PIGK: variants seen among roughly 807,000 people sequenced by gnomAD.
PIGK encodes GPI-anchor transamidase.
PIGK carries 42 observed loss-of-function variants against 50.6 expected under a neutral mutation model. The ratio of observed to expected loss-of-function variants is 0.83; its 90% CI spans 0.65 to 1.07. The LOEUF is 1.07. Among genes scored for constraint, PIGK ranks in the 50% least tolerant of loss-of-function variants. PIGK has a pLI of 0.00. For synonymous variants in PIGK, 151 were observed against 156.0 expected (o/e 0.97, Z 0.24); for missense variants, 448 against 488.7 (o/e 0.92, Z 0.78).
chr1:77,089,185 G>C lies in PIGK; in HGVS notation c.*3189C>G, dbSNP rs560614276. 1.3e-5 allele frequency: 2 copies of C among 152,288 alleles called. No homozygotes were observed. Among genetic ancestry groups the C allele is most frequent in the South Asian group, 2.1e-4 (1 of 4,828 alleles). The allele number at this position is 152,288 out of a possible 1,614,324, so 9.4% of individuals were successfully genotyped here. ...AAGGTGTATTGTCCATGAATTGAAA[G>C]GCTTTCCTATTTAAGTAGCAGGTAC... On this transcript the variant is annotated 3_prime_UTR_variant, in exon 11 of 11. Coordinates refer to ENST00000370812, the MANE Select transcript of PIGK (RefSeq NM_005482.3).
At chr1:77,169,987 C>A (rs1010527772) in intron 3 of PIGK, among the ~76,000 whole-genome samples, 6 of 152,126 alleles carry the variant, frequency 3.9e-5, no homozygotes, top group African/African-American at 1.4e-4. Flanking sequence ...CAAATCCACT[C>A]CATTTCCCTA....
chr1:77,180,460 CA>C (rs1655585656), intron 3 of PIGK, among the ~76,000 whole-genome samples: 1 of 152,042 alleles, frequency 6.6e-6, no homozygotes, highest in African/African-American at 2.4e-5. Context: ...TAAGTATATA[CA>C]ATAAATACTA....
Position 77,092,567 on chromosome 1 carries a change from A to G in PIGK, c.1072-77T>C, listed in dbSNP as rs926213743. 6 of 819,520 alleles carry G rather than the reference A, an allele frequency of 7.3e-6. No homozygotes were observed. In the African/African-American group the frequency reaches 8.8e-5, roughly 12 times the overall value. The allele number at this position is 819,520 out of a possible 1,614,324, so 50.8% of individuals were successfully genotyped here. A position where few individuals can be genotyped will look rare whatever the true frequency, so the allele number is the denominator to read the frequency against. On this transcript the variant is annotated intron_variant, in intron 10 of 10. Transcript: ENST00000370812. ...AATCAATAAAGCAAACATTGATGAAAAAGATAAATTTCACTGGTTGTGTTT... is the reference window on the plus strand; with the variant it reads ...AATCAATAAAGCAAACATTGATGAAGAAGATAAATTTCACTGGTTGTGTTT...
rs535228310 is a variant in PIGK, at chr1:77,148,995, G to A, written c.986+5454C>T. Among the ~76,000 whole-genome samples the A allele has an allele frequency of 7.2e-5, 11 of 152,128 alleles. No individual in the cohort carries two copies. In the East Asian group the frequency reaches 9.7e-4, roughly 13 times the overall value. ...CTCCCAAAGTGCTGGGATTACAGGC[G>A]TGAGCCACCACGCCCAGCCATATCA... On this transcript the variant is annotated intron_variant, in intron 9 of 10. Coordinates refer to ENST00000370812, the MANE Select transcript of PIGK (RefSeq NM_005482.3).
Position 77,191,352 on chromosome 1 carries a change from T to C in PIGK, c.239+15288A>G, listed in dbSNP as rs527895084. 4.7e-4 allele frequency among the ~76,000 whole-genome samples: 71 copies of C among 152,280 alleles called. 1 individual carries two copies. Among genetic ancestry groups the C allele is most frequent in the African/African-American group, 1.6e-3 (66 of 41,554 alleles). ...CACATATTCTCACGTTCAACAGAAATTTTACTTTTGTTATTTTTCCAATAA... is the reference window on the plus strand; with the variant it reads ...CACATATTCTCACGTTCAACAGAAACTTTACTTTTGTTATTTTTCCAATAA... On this transcript the variant is annotated intron_variant, in intron 3 of 10. Transcript: ENST00000370812.
At chr1:77,214,169 T>C (rs1656495040) in intron 1 of PIGK, among the ~76,000 whole-genome samples, 1 of 152,138 alleles carries the variant, frequency 6.6e-6, no homozygotes, top group South Asian at 2.1e-4. Flanking sequence ...TCTTCCCAAT[T>C]TGTTTTATGA....
intron 10 of PIGK, among the ~76,000 whole-genome samples, chr1:77,105,008 T>A (rs1407416124): frequency 1.3e-5 from 2 of 152,190 alleles, no homozygotes; most frequent in African/African-American, 4.8e-5. Flanking sequence ...TGAGAGCCTT[T>A]CTAGGTACCC....
chr1:77,112,550 T>C (rs1386816702), intron 10 of PIGK, among the ~76,000 whole-genome samples: 2 of 152,168 alleles, frequency 1.3e-5, no homozygotes, highest in Non-Finnish European at 2.9e-5. Context: ...CCTCACTTTT[T>C]GCTTTTATCA....
rs972923257 is a variant in PIGK at position 77,103,786 on chromosome 1, A to T, written c.1072-11296T>A. 2.0e-5 allele frequency among the ~76,000 whole-genome samples: 3 copies of T among 152,192 alleles called. No homozygotes were observed. In the South Asian group the frequency reaches 6.2e-4, roughly 32 times the overall value. ...AGAAATACACGAAGGAGCTCCAGAGAGCTGCAGAGGAATCTACCTGCGTTT... is the reference window on the plus strand; with the variant it reads ...AGAAATACACGAAGGAGCTCCAGAGTGCTGCAGAGGAATCTACCTGCGTTT... On this transcript the variant is annotated intron_variant, in intron 10 of 10. Coordinates refer to ENST00000370812, the MANE Select transcript of PIGK (RefSeq NM_005482.3).
intron 2 of PIGK, among the ~76,000 whole-genome samples, chr1:77,207,206 G>A (rs1656310667): frequency 6.6e-6 from 1 of 152,056 alleles, no homozygotes; most frequent in Non-Finnish European, 1.5e-5. Flanking sequence ...TCGCTCCAAA[G>A]AGAAGTCTTT....
chr1:77,094,458 A>C (rs919269831), intron 10 of PIGK, among the ~76,000 whole-genome samples: 4 of 152,210 alleles, frequency 2.6e-5, no homozygotes, highest in African/African-American at 9.6e-5. Flanking sequence ...CAGTGCTAAA[A>C]GACTTAAGAA....
In PIGK at chr1:77,143,258, C is replaced by G. The variant is rs116297652; in HGVS notation, c.986+11191G>C. Among the ~76,000 whole-genome samples the G allele has an allele frequency of 3.8e-3, 573 of 152,154 alleles. 6 individuals carry two copies. The highest frequency in any genetic ancestry group is 0.013 in the African/African-American group (543 of 41,518). ...TTAACTTTTTTTGACCCTTCAATTT[C>G]TTGGTCAAGTATTTAATAACATGGA... is the stretch of plus-strand genomic sequence containing the variant. On this transcript the variant is annotated intron_variant, in intron 9 of 10. Transcript: ENST00000370812.
At chr1:77,121,558 C>T (rs1015347688) in intron 10 of PIGK, among the ~76,000 whole-genome samples, 6 of 152,112 alleles carry the variant, frequency 3.9e-5, no homozygotes, top group African/African-American at 1.4e-4. Flanking sequence ...CATAACAATT[C>T]TGAGAAACTC....
At chr1:77,163,965 T>C in intron 5 of PIGK, 23 bp from the exon 6 acceptor site, 1 of 1,380,028 alleles carries the variant, frequency 7.2e-7, no homozygotes, top group Non-Finnish European at 1.0e-6. Context: ...GTAAAAAAGA[T>C]CAATAGATTT....
intron 10 of PIGK, among the ~76,000 whole-genome samples, chr1:77,120,091 T>C (rs1654061926): frequency 6.6e-6 from 1 of 152,146 alleles, no homozygotes; most frequent in South Asian, 2.1e-4. Context: ...CTCATGAAAA[T>C]AGTTACAGGG....
intron 10 of PIGK, among the ~76,000 whole-genome samples, chr1:77,092,868 G>A (rs994735999): frequency 4.6e-5 from 7 of 151,896 alleles, no homozygotes; most frequent in South Asian, 2.1e-4. Flanking sequence ...GTTTCATGAC[G>A]GTCATCTTAT....
rs1390227498 is a variant in PIGK at position 77,122,270 on chromosome 1, C to A, written c.1071+5G>T. On this transcript the variant is annotated splice_donor_5th_base_variant and intron_variant, in intron 10 of 10. Coordinates refer to ENST00000370812, the MANE Select transcript of PIGK (RefSeq NM_005482.3). ...TCTTTCAAAAGAATAAAATGAAATGCAAACCTGGTGTATTATCTGAGCTAC... is the reference window on the plus strand; with the variant it reads ...TCTTTCAAAAGAATAAAATGAAATGAAAACCTGGTGTATTATCTGAGCTAC... 4.5e-6 allele frequency: 7 copies of A among 1,540,380 alleles called. No homozygotes were observed. The highest frequency in any genetic ancestry group is 6.3e-6 in the Non-Finnish European group (7 of 1,117,632).
At chr1:77,143,385 A>G (rs1031171198) in intron 9 of PIGK, among the ~76,000 whole-genome samples, 1 of 152,114 alleles carries the variant, frequency 6.6e-6, no homozygotes, top group Non-Finnish European at 1.5e-5. Flanking sequence ...ACTTACATAT[A>G]GAGAGAAATT....
chr1:77,148,926 A>T (rs1419292937), intron 9 of PIGK, among the ~76,000 whole-genome samples: 1 of 152,164 alleles, frequency 6.6e-6, no homozygotes, highest in Non-Finnish European at 1.5e-5. Context: ...CATGTTGGCC[A>T]GAATGGTGTT....
Sources: gnomAD v4.1 joint callset for allele counts (sites outside exome capture counted in the v4.1 genomes callset) on GRCh38, gnomAD v4.1.1 for gene constraint, MANE v1.5 for transcripts, NCBI Gene and HGNC (gene_info 2026-07-23, HGNC 2026-07-21) for gene names.